PRR16: variants seen among roughly 807,000 people sequenced by gnomAD.
PRR16 encodes the protein protein Largen.
PRR16 carries 6 observed loss-of-function variants against 18.2 expected under a neutral mutation model. The observed-to-expected ratio is 0.33, with a 90% CI of 0.18 to 0.65. PRR16 has a LOEUF of 0.65. Among genes scored for constraint, PRR16 ranks in the 30% least tolerant of loss-of-function variants. The pLI, the probability that PRR16 is intolerant of heterozygous loss-of-function variation, is 0.74. For missense variants in PRR16, 412 were observed against 376.6 expected, an observed-to-expected ratio of 1.09 and a Z score of -0.78; for synonymous variants, 151 against 147.8, an observed-to-expected ratio of 1.02 and a Z score of -0.16.
the PRR16 span, among the ~76,000 whole-genome samples, chr5:120,694,579 G>C: frequency 6.6e-6 from 1 of 151,676 alleles, no homozygotes; most frequent in Non-Finnish European, 1.5e-5. Flanking sequence ...AGCTACTCGG[G>C]AGGCTGAGGC....
At chr5:120,492,255 AGTGTGTGTGT>A (rs3991307) in intron 1 of PRR16, among the ~76,000 whole-genome samples, 6,840 of 137,822 alleles carry the variant, frequency 0.05, 215 homozygotes, top group African/African-American at 0.094. Flanking sequence ...CGCTAATTTG[AGTGTGTGTGT>A]GTGTGTGTGT....
chr5:120,643,605 A>G lies in PRR16; in HGVS notation c.160-42349A>G, dbSNP rs1046183694. ...ATATTACAGGATATGTCCTAAAAGT[A>G]TAACATTGATTAATTAGCCTTCAGT... On this transcript the variant is annotated intron_variant, in intron 1 of 1. Coordinates refer to ENST00000407149, the MANE Select transcript of PRR16 (RefSeq NM_001300783.2). 4.6e-5 allele frequency among the ~76,000 whole-genome samples: 7 copies of G among 152,128 alleles called. No homozygotes were observed. The East Asian group carries it at 9.7e-4, about 21-fold the overall frequency.
At chr5:120,733,976 G>A in the PRR16 span, among the ~76,000 whole-genome samples, 38 of 151,994 alleles carry the variant, frequency 2.5e-4, no homozygotes, top group Admixed American at 7.9e-4. Flanking sequence ...GGTGATGTGT[G>A]TACATTTGTG....
At chr5:120,526,714 C>T (rs1008103374) in intron 1 of PRR16, among the ~76,000 whole-genome samples, 4 of 152,126 alleles carry the variant, frequency 2.6e-5, no homozygotes, top group Admixed American at 1.3e-4. Flanking sequence ...TCTGAAAAAT[C>T]ATAGCAAAGT....
chr5:120,726,289 A>G, the PRR16 span, among the ~76,000 whole-genome samples: 10 of 152,086 alleles, frequency 6.6e-5, no homozygotes, highest in Non-Finnish European at 1.3e-4. Flanking sequence ...GTGGATGTCA[A>G]GAAATCACAA....
chr5:120,502,317 C>T (rs1261536075), intron 1 of PRR16, among the ~76,000 whole-genome samples: 4 of 149,738 alleles, frequency 2.7e-5, no homozygotes, highest in African/African-American at 9.8e-5. Flanking sequence ...AATATTAATT[C>T]CTAATTAGTA....
At chr5:120,550,558 A>T (rs146583637) in intron 1 of PRR16, among the ~76,000 whole-genome samples, 1 of 152,060 alleles carries the variant, frequency 6.6e-6, no homozygotes. Context: ...CAACGCATGC[A>T]GTAAAAGGGT....
intron 1 of PRR16, among the ~76,000 whole-genome samples, chr5:120,519,938 C>G (rs1026776289): frequency 2.0e-5 from 3 of 151,372 alleles, no homozygotes; most frequent in African/African-American, 7.3e-5. Flanking sequence ...CTGAAGAAAT[C>G]TAATTTTTTT....
the PRR16 span, among the ~76,000 whole-genome samples, chr5:120,763,449 ATT>A: frequency 6.6e-6 from 1 of 151,966 alleles, no homozygotes; most frequent in African/African-American, 2.4e-5. Context: ...TAATGTTTTT[ATT>A]ACTATAACCT....
intron 1 of PRR16, among the ~76,000 whole-genome samples, chr5:120,477,165 G>C (rs964732789): frequency 3.5e-4 from 53 of 152,118 alleles, no homozygotes; most frequent in African/African-American, 1.3e-3. Context: ...ATTCAGCCTT[G>C]TGGATAAATT....
chr5:120,505,275 C>T (rs1750603265), intron 1 of PRR16, among the ~76,000 whole-genome samples: 2 of 152,104 alleles, frequency 1.3e-5, no homozygotes. Flanking sequence ...AATAAAGAAA[C>T]AATTTCTAAT....
chr5:120,470,032 T>C (rs1561503120), intron 1 of PRR16, among the ~76,000 whole-genome samples: 1 of 152,166 alleles, frequency 6.6e-6, no homozygotes, highest in Non-Finnish European at 1.5e-5. Context: ...CATCCTTGCT[T>C]CTCTGAGGAT....
chr5:120,489,449 G>A (rs1244610903), intron 1 of PRR16, among the ~76,000 whole-genome samples: 1 of 152,118 alleles, frequency 6.6e-6, no homozygotes, highest in East Asian at 1.9e-4. Context: ...TTTAAAGTCT[G>A]TTTTATCAGA....
intron 1 of PRR16, among the ~76,000 whole-genome samples, chr5:120,499,332 A>G (rs1314247493): frequency 6.6e-6 from 1 of 151,790 alleles, no homozygotes; most frequent in Non-Finnish European, 1.5e-5. Flanking sequence ...GCTGGTAATC[A>G]CTTTTTAAGC....
chr5:120,780,379 A>AGT, the PRR16 span, among the ~76,000 whole-genome samples: 1 of 152,162 alleles, frequency 6.6e-6, no homozygotes, highest in Non-Finnish European at 1.5e-5. Context: ...ACACTTAATT[A>AGT]TAAGAAGCTG....
At chr5:120,791,821 C>G in the PRR16 span, among the ~76,000 whole-genome samples, 1 of 152,050 alleles carries the variant, frequency 6.6e-6, no homozygotes, top group Non-Finnish European at 1.5e-5. Context: ...AATCAAACTC[C>G]CAACATGTTG....
intron 1 of PRR16, among the ~76,000 whole-genome samples, chr5:120,562,146 A>G (rs1257943015): frequency 3.9e-5 from 6 of 152,054 alleles, no homozygotes; most frequent in African/African-American, 1.4e-4. Flanking sequence ...GTTGTTTTAT[A>G]TATCTGTGTG....
chr5:120,472,536 G>A (rs1056067939), intron 1 of PRR16, among the ~76,000 whole-genome samples: 9 of 151,998 alleles, frequency 5.9e-5, no homozygotes, highest in South Asian at 2.1e-4. Context: ...CATGTTCAGG[G>A]AATCTTGGGT....
chr5:120,700,663 C>A, the PRR16 span, among the ~76,000 whole-genome samples: 2 of 151,920 alleles, frequency 1.3e-5, no homozygotes, highest in African/African-American at 4.8e-5. Flanking sequence ...GGTTTAGAAG[C>A]CTGGCCATCA....
Sources: allele counts gnomAD v4.1 joint callset (sites outside exome capture counted in the v4.1 genomes callset), GRCh38; gene constraint gnomAD v4.1.1; transcripts MANE v1.5; gene names NCBI Gene and HGNC (gene_info 2026-07-23, HGNC 2026-07-21).